The following APCDD1 variants were observed in gnomAD, a reference collection of about 807,000 sequenced individuals.
APCDD1 encodes the protein APC down-regulated 1, also known as protein APCDD1.
Under a neutral mutation model 38.1 loss-of-function variants are expected in APCDD1, and 15 were observed. The observed-to-expected ratio is 0.39, with a 90% CI of 0.26 to 0.61. The LOEUF (loss-of-function observed/expected upper bound fraction) is 0.61. Among genes scored for constraint, APCDD1 ranks in the 20% least tolerant of loss-of-function variants. APCDD1 has a pLI of 0.49. For missense variants in APCDD1, 647 were observed against 696.2 expected (o/e 0.93, Z 0.79); for synonymous variants, 261 against 279.7 (o/e 0.93, Z 0.67).
chr18:10,454,652 G>A lies in APCDD1; in HGVS notation c.-330G>A. 4.8e-6 allele frequency: 5 copies of A among 1,037,080 alleles called. No homozygotes were observed. The highest frequency in any genetic ancestry group is 5.8e-6 in the Non-Finnish European group (5 of 864,798). 64.2% of individuals were successfully genotyped at this position (1,037,080 alleles called of 1,614,324 possible). On this transcript the variant is annotated 5_prime_UTR_variant, in exon 1 of 5. Coordinates refer to ENST00000355285, the MANE Select transcript of APCDD1 (RefSeq NM_153000.5). ...GGAAATATGAAGAGACGCTGCAGCT[G>A]CGGTGGCGGTGGCGGCCACTGCAGC...
intron 3 of APCDD1, among the ~76,000 whole-genome samples, chr18:10,481,061 G>T (rs1201431793): frequency 6.6e-6 from 1 of 152,198 alleles, no homozygotes; most frequent in African/African-American, 2.4e-5. Context: ...ATCCAGTATT[G>T]GGAAGGATGT....
intron 1 of APCDD1, among the ~76,000 whole-genome samples, chr18:10,466,433 T>G (rs963137544): frequency 6.6e-6 from 1 of 151,978 alleles, no homozygotes; most frequent in East Asian, 1.9e-4. Context: ...TGCTCATAGT[T>G]CCCCCCGAAT....
chr18:10,471,418 G>C lies in APCDD1; in HGVS notation c.243-112G>C. The C allele has an allele frequency of 7.3e-7, 1 of 1,363,114 alleles. No homozygotes were observed. The highest frequency in any genetic ancestry group is 1.0e-6 in the Non-Finnish European group (1 of 979,828). 84.4% of individuals were successfully genotyped at this position (1,363,114 alleles called of 1,614,324 possible). A position where few individuals can be genotyped will look rare whatever the true frequency, so the allele number is the denominator to read the frequency against. On this transcript the variant is annotated intron_variant, in intron 2 of 4. Transcript: ENST00000355285. The surrounding 1 kb of genome is among the most constrained non-coding windows in gnomAD (Gnocchi z 5.5). ...CTATAAAGGGCTGACAACAGAGTCT[G>C]GCCCATCGTCAGCACTTTATTATTA...
Position 10,488,055 on chromosome 18 carries a change from T to C in APCDD1, c.*17T>C. 2 of 1,612,700 alleles carry C rather than the reference T, an allele frequency of 1.2e-6. No individual in the cohort carries two copies. Among genetic ancestry groups the C allele is most frequent in the Non-Finnish European group, 1.7e-6 (2 of 1,179,986 alleles). ...CGCAGATAGAAGTTTTAGAAAGTTC[T>C]ATTTTTCCAAACCAGGATTCCTTAC... On this transcript the variant is annotated 3_prime_UTR_variant, in exon 5 of 5. Transcript: ENST00000355285.
chr18:10,463,389 G>A (rs966475243), intron 1 of APCDD1, among the ~76,000 whole-genome samples: 5 of 152,056 alleles, frequency 3.3e-5, no homozygotes, highest in African/African-American at 7.2e-5. Flanking sequence ...TGAATGATTC[G>A]CTAGTTCTAG....
intron 4 of APCDD1, among the ~76,000 whole-genome samples, chr18:10,487,270 T>G (rs1248250452): frequency 1.3e-5 from 2 of 152,198 alleles, no homozygotes; most frequent in African/African-American, 2.4e-5. Context: ...TTAGGAGCAC[T>G]CCGAGCTGTA....
In APCDD1 at chr18:10,476,420, A is replaced by G. The variant is rs1191991685; in HGVS notation, c.774+4359A>G. On this transcript the variant is annotated intron_variant, in intron 3 of 4. Coordinates refer to ENST00000355285, the MANE Select transcript of APCDD1 (RefSeq NM_153000.5). This position sits in a 1 kb window ranked among gnomAD's most constrained non-coding sequence, Gnocchi z 5.8. ...TACTCTTCATTATAAAAAAGTCAAG[A>G]CAGCGTAAAGTAACCCTGAAAGAAG... 6.6e-6 allele frequency: 1 copy of G among 152,174 alleles called. No homozygotes were observed. The highest frequency in any genetic ancestry group is 1.5e-5 in the Non-Finnish European group (1 of 68,030). 9.4% of individuals were successfully genotyped at this position (152,174 alleles called of 1,614,324 possible).
Position 10,471,428 on chromosome 18 carries a change from C to T in APCDD1, c.243-102C>T. On this transcript the variant is annotated intron_variant, in intron 2 of 4. Coordinates refer to ENST00000355285, the MANE Select transcript of APCDD1 (RefSeq NM_153000.5). The surrounding 1 kb of genome is among the most constrained non-coding windows in gnomAD (Gnocchi z 5.5). ...CTGACAACAGAGTCTGGCCCATCGT[C>T]AGCACTTTATTATTATTTCTGTAAT... 2.0e-6 allele frequency: 3 copies of T among 1,480,860 alleles called. No homozygotes were observed. Among genetic ancestry groups the T allele is most frequent in the Non-Finnish European group, 2.8e-6 (3 of 1,077,562 alleles). 91.7% of individuals were successfully genotyped at this position (1,480,860 alleles called of 1,614,324 possible).
At chr18:10,464,337 C>CAA (rs2030650747) in intron 1 of APCDD1, among the ~76,000 whole-genome samples, 1 of 150,398 alleles carries the variant, frequency 6.6e-6, no homozygotes, top group South Asian at 2.1e-4. Flanking sequence ...CACACACACA[C>CAA]ACACACAGAC....
At position 10,489,676 on chromosome 18, in the gene APCDD1, G is replaced by A. The variant is rs1348152377; in HGVS notation, c.*1638G>A. On this transcript the variant is annotated 3_prime_UTR_variant, in exon 5 of 5. Transcript: ENST00000355285. ...ATTGTGCCACTGCGCTCGAGCCTGG[G>A]CAACAGAGCGAGACTCCATCTCAAA... The A allele has an allele frequency of 6.7e-6, 1 of 149,804 alleles. No individual in the cohort carries two copies. The highest frequency in any genetic ancestry group is 1.5e-5 in the Non-Finnish European group (1 of 67,792). 9.3% of individuals were successfully genotyped at this position (149,804 alleles called of 1,614,324 possible). A position where few individuals can be genotyped will look rare whatever the true frequency, so the allele number is the denominator to read the frequency against.
chr18:10,464,958 G>A (rs1393800921), intron 1 of APCDD1, among the ~76,000 whole-genome samples: 2 of 152,252 alleles, frequency 1.3e-5, no homozygotes, highest in Admixed American at 6.5e-5. Flanking sequence ...TCTGAGAGCC[G>A]TATCATTATT....
rs539593123 is a variant in APCDD1 at position 10,473,667 on chromosome 18, C to A, written c.774+1606C>A. Reference sequence around the variant, plus strand: ...AGGAGAATCGGCTCATAGGGTGATACCTGGACTGGGGTGTGCTTTCTGGGT... The same window carrying A: ...AGGAGAATCGGCTCATAGGGTGATAACTGGACTGGGGTGTGCTTTCTGGGT... On this transcript the variant is annotated intron_variant, in intron 3 of 4. Transcript: ENST00000355285. Among the ~76,000 whole-genome samples the A allele has an allele frequency of 3.7e-4, 57 of 152,254 alleles. 1 individual carries two copies. In the South Asian group the frequency reaches 4.8e-3, roughly 13 times the overall value.
chr18:10,485,727 A>G lies in APCDD1; in HGVS notation c.1040A>G (p.Tyr347Cys), dbSNP rs1048018886. The change falls in exon 4 of 5, where the codon TAC becomes TGC. Residue 347 changes from tyrosine (Y) to cysteine (C), a missense_variant. Physicochemically the swap from Tyr to Cys is radical, Grantham distance 194. Coordinates refer to ENST00000355285, the MANE Select transcript of APCDD1 (RefSeq NM_153000.5). The surrounding 1 kb of genome is among the most constrained non-coding windows in gnomAD (Gnocchi z 5.8). ...PTFSIYARGR[Y>C]SRGVLSSRVM... ...TTCTCCATCTACGCCCGGGGCCGCT[A>G]CAGCCGCGGCGTCCTCTCGTCCAGG... 3.1e-6 allele frequency: 5 copies of G among 1,613,950 alleles called. No homozygotes were observed. In the African/African-American group the frequency reaches 6.7e-5, roughly 22 times the overall value.
intron 1 of APCDD1, among the ~76,000 whole-genome samples, chr18:10,457,755 C>T (rs548206479): frequency 1.2e-4 from 18 of 152,148 alleles, no homozygotes; most frequent in Non-Finnish European, 2.2e-4. Flanking sequence ...AGTCTTTGTT[C>T]GGTTTTGTGG....
In APCDD1 at chr18:10,485,479, C is replaced by T. The variant is rs755780439; in HGVS notation, c.792C>T (p.Cys264=). 5.6e-6 allele frequency: 9 copies of T among 1,614,104 alleles called. No homozygotes were observed. The Admixed American group carries it at 6.7e-5, about 12-fold the overall frequency. Reference sequence around the variant, plus strand: ...GGCTTCAGAACCACGACCATGCCTGCATCGCCTGTCGGATCATCTATCGGT... The same window carrying T: ...GGCTTCAGAACCACGACCATGCCTGTATCGCCTGTCGGATCATCTATCGGT... The part of the protein sequence containing the change: ...LQNAKNHDHA[C]IACRIIYRSD... Residue 264 remains cysteine (C), a synonymous_variant, in exon 4 of 5, where the codon TGC becomes TGT. Coordinates refer to ENST00000355285, the MANE Select transcript of APCDD1 (RefSeq NM_153000.5). This position sits in a 1 kb window ranked among gnomAD's most constrained non-coding sequence, Gnocchi z 5.8.
In APCDD1 at chr18:10,476,102, C is replaced by G. The variant is rs1286980356; in HGVS notation, c.774+4041C>G. On this transcript the variant is annotated intron_variant, in intron 3 of 4. Transcript: ENST00000355285. The surrounding 1 kb of genome is among the most constrained non-coding windows in gnomAD (Gnocchi z 5.8). Reference sequence around the variant, plus strand: ...AGGCTGGGAGAACGTCTTCAAAGACCGTACACGCCTGCCCAGGAGAGGCTG... The same window carrying G: ...AGGCTGGGAGAACGTCTTCAAAGACGGTACACGCCTGCCCAGGAGAGGCTG... 6.6e-6 allele frequency: 1 copy of G among 152,192 alleles called. No homozygotes were observed. The highest frequency in any genetic ancestry group is 1.5e-5 in the Non-Finnish European group (1 of 68,036). 9.4% of individuals were successfully genotyped at this position (152,192 alleles called of 1,614,324 possible).
chr18:10,461,951 C>T (rs758905657), intron 1 of APCDD1, among the ~76,000 whole-genome samples: 26 of 152,208 alleles, frequency 1.7e-4, no homozygotes, highest in Non-Finnish European at 2.9e-4. Context: ...CCGTAGTCTA[C>T]ACAGTGTTGT....
chr18:10,467,451 T>G lies in APCDD1; in HGVS notation c.59-1018T>G, dbSNP rs995506171. 2.6e-5 allele frequency among the ~76,000 whole-genome samples: 4 copies of G among 152,238 alleles called. No individual in the cohort carries two copies. Among genetic ancestry groups the G allele is most frequent in the African/African-American group, 9.6e-5 (4 of 41,458 alleles). On this transcript the variant is annotated intron_variant, in intron 1 of 4. Transcript: ENST00000355285. This position sits in a 1 kb window ranked among gnomAD's most constrained non-coding sequence, Gnocchi z 4.8. ...AGGTCCGCCATAAATGCCTGTTGAT[T>G]TGTTAATCACTTCAGGAGTGAATAT...
chr18:10,457,055 A>G (rs908580090), intron 1 of APCDD1, among the ~76,000 whole-genome samples: 5 of 152,258 alleles, frequency 3.3e-5, no homozygotes, highest in Non-Finnish European at 7.3e-5. Context: ...TAAACCGATA[A>G]AAAGTTATCC....
Sources: gnomAD v4.1 joint callset for allele counts (sites outside exome capture counted in the v4.1 genomes callset) on GRCh38, gnomAD v4.1.1 for gene constraint, Gnocchi (gnomAD v3.1) non-coding constraint, MANE v1.5 for transcripts, NCBI Gene and HGNC (gene_info 2026-07-23, HGNC 2026-07-21) for gene names.